The following SGSM3 variants were observed in gnomAD, a reference collection of about 807,000 sequenced individuals.
The protein encoded by SGSM3 is RUN and SH3 containing 3.
In SGSM3, 96 loss-of-function variants were observed where a neutral mutation model predicts 100.5. The observed-to-expected ratio is 0.96, with a 90% confidence interval of 0.81 to 1.13. The LOEUF (loss-of-function observed/expected upper bound fraction) is 1.13, where lower values mean the gene tolerates loss of function less well. SGSM3 is among the 50% of genes most tolerant of loss of function. The probability of loss-of-function intolerance (pLI) is 0.00; values close to 1 mark genes in which losing one functional copy is unlikely to be tolerated. For missense variants in SGSM3, 1,001 were observed against 1,015.8 expected, an observed-to-expected ratio of 0.99 and a Z score of 0.20; for synonymous variants, 483 against 422.8, an observed-to-expected ratio of 1.14 and a Z score of -1.75.
At position 40,407,184 on chromosome 22, in the gene SGSM3, T is replaced by A; in HGVS notation, c.1241-17T>A. The A allele has an allele frequency of 6.2e-7, 1 of 1,613,342 alleles. No homozygotes were observed. The highest frequency in any genetic ancestry group is 8.5e-7 in the Non-Finnish European group (1 of 1,179,820). On this transcript the variant is annotated splice_polypyrimidine_tract_variant and intron_variant, in intron 11 of 21. Coordinates refer to ENST00000248929, the MANE Select transcript of SGSM3 (RefSeq NM_015705.6). The surrounding 1 kb of genome is among the most constrained non-coding windows in gnomAD (Gnocchi z 4.7). ...CTGGAGTGGGCTGTGGTCACCATGG[T>A]TCTCTGGGCCTCCTAGGGGAGGATG...
At chr22:40,379,903 G>A (rs561840138) in intron 1 of SGSM3, among the ~76,000 whole-genome samples, 1 of 152,130 alleles carries the variant, frequency 6.6e-6, no homozygotes, top group African/African-American at 2.4e-5. Flanking sequence ...TAGAGATTGG[G>A]TTTCGTCATG....
At chr22:40,388,634 A>T (rs146443371) in intron 1 of SGSM3, among the ~76,000 whole-genome samples, 1 of 151,902 alleles carries the variant, frequency 6.6e-6, no homozygotes, top group Non-Finnish European at 1.5e-5. Flanking sequence ...CAGGGTAGAG[A>T]GTGGTTGGAG....
rs1217181592 is a variant in SGSM3, at chr22:40,407,746, A to T, written c.1525-43A>T. On this transcript the variant is annotated intron_variant, in intron 13 of 21. Transcript: ENST00000248929. This position sits in a 1 kb window ranked among gnomAD's most constrained non-coding sequence, Gnocchi z 4.7. The stretch of plus-strand genomic sequence containing the variant: ...TCGGGGGTGCAGGAGGCGCTGGCCC[A>T]GGGCACCCAGCTTTGGTTCCTGCTG... 1 of 1,609,354 alleles carries T rather than the reference A, an allele frequency of 6.2e-7. No individual in the cohort carries two copies. Among genetic ancestry groups the T allele is most frequent in the Non-Finnish European group, 8.5e-7 (1 of 1,175,830 alleles).
intron 1 of SGSM3, among the ~76,000 whole-genome samples, chr22:40,379,666 T>A (rs1325695640): frequency 3.3e-5 from 5 of 152,138 alleles, no homozygotes; most frequent in African/African-American, 9.7e-5. Flanking sequence ...CATATCAACC[T>A]GTAGTTATCT....
In SGSM3 at chr22:40,402,154, G is replaced by C. The variant is rs569620429; in HGVS notation, c.106G>C (p.Glu36Gln). 1.9e-6 allele frequency: 3 copies of C among 1,614,016 alleles called. No homozygotes were observed. In the South Asian group the frequency reaches 3.3e-5, roughly 18 times the overall value. ...AKYTQKEESA[E>Q]QPEFYYDEFG... ...CTGATTCTAGAAGGAAGAGTCAGCA[G>C]AGCAACCAGAGTTCTACTACGATGA... is the stretch of plus-strand genomic sequence containing the variant. Residue 36 changes from glutamate to glutamine, a missense_variant, in exon 4 of 22, where the codon GAG becomes CAG. Transcript: ENST00000248929.
chr22:40,405,756 G>C lies in SGSM3; in HGVS notation c.726G>C (p.Leu242=). ...CCTCCTACTTCAGCACCACCCTGCT[G>C]GGTGTCCAGACTGACCAGCGGGTCC... is the stretch of plus-strand genomic sequence containing the variant. ...LPASYFSTTL[L]GVQTDQRVLR... is the part of the protein sequence containing the mutation. Residue 242 remains leucine (L), a synonymous_variant, in exon 8 of 22, where the codon CTG becomes CTC. Transcript: ENST00000248929. 6.2e-7 allele frequency: 1 copy of C among 1,613,788 alleles called. No homozygotes were observed. The highest frequency in any genetic ancestry group is 1.3e-5 in the African/African-American group (1 of 75,032).
chr22:40,390,684 A>G (rs1393530672), intron 1 of SGSM3, among the ~76,000 whole-genome samples: 1 of 152,190 alleles, frequency 6.6e-6, no homozygotes, highest in Non-Finnish European at 1.5e-5. Flanking sequence ...TAAGATATGT[A>G]TAGATGGGTT....
intron 1 of SGSM3, among the ~76,000 whole-genome samples, chr22:40,377,812 C>T (rs181972158): frequency 1.1e-4 from 17 of 148,028 alleles, no homozygotes; most frequent in Admixed American, 4.8e-4. Flanking sequence ...TGCCACTGTA[C>T]GCCAGCCTGG....
Position 40,400,690 on chromosome 22 carries a change from T to A in SGSM3, c.-111-6T>A, listed in dbSNP as rs2050636359. ...AGAATGACTTTCCTCTTTTCTCTTCTAACAGGGCAGATGATTCTGGACCAG... is the reference window on the plus strand; with the variant it reads ...AGAATGACTTTCCTCTTTTCTCTTCAAACAGGGCAGATGATTCTGGACCAG... On this transcript the variant is annotated splice_polypyrimidine_tract_variant and splice_region_variant and intron_variant, in intron 1 of 21. Transcript: ENST00000248929. The A allele has an allele frequency of 1.0e-6, 1 of 998,380 alleles. No individual in the cohort carries two copies. The highest frequency in any genetic ancestry group is 1.5e-6 in the Non-Finnish European group (1 of 659,138). 61.8% of individuals were successfully genotyped at this position (998,380 alleles called of 1,614,324 possible). A position where few individuals can be genotyped will look rare whatever the true frequency, so the allele number is the denominator to read the frequency against.
At chr22:40,409,228 C>A in intron 19 of SGSM3, 22 bp from the exon 20 acceptor site, 1 of 1,585,542 alleles carries the variant, frequency 6.3e-7, no homozygotes, top group African/African-American at 1.3e-5. Flanking sequence ...CCCCTGCTCC[C>A]CACTCCTGGC....
intron 4 of SGSM3, among the ~76,000 whole-genome samples, chr22:40,402,981 T>C (rs1421225553): frequency 1.3e-5 from 2 of 152,222 alleles, no homozygotes; most frequent in East Asian, 3.8e-4. Flanking sequence ...TTTCCAATTC[T>C]GACAAAAGTT....
chr22:40,375,374 G>A (rs2046377058), intron 1 of SGSM3, among the ~76,000 whole-genome samples: 2 of 152,194 alleles, frequency 1.3e-5, no homozygotes. Context: ...AAGGTCAGGA[G>A]TTTGAGACTA....
At position 40,398,365 on chromosome 22, in the gene SGSM3, A is replaced by G. The variant is rs2050317817; in HGVS notation, c.-111-2331A>G. ...TGGCTCTTAGGGGTGCTCAGTCCCC[A>G]TTTGCTGATGAATGAATGAGTGGGA... On this transcript the variant is annotated intron_variant, in intron 1 of 21. Transcript: ENST00000248929. Among the ~76,000 whole-genome samples the G allele has an allele frequency of 1.4e-5, 2 of 140,994 alleles. 1 individual carries two copies. Among genetic ancestry groups the G allele is most frequent in the Non-Finnish European group, 3.1e-5 (2 of 65,064 alleles). The allele number at this position is 140,994 out of a possible 152,430, so 92.5% of individuals were successfully genotyped here.
rs1025587630 is a variant in SGSM3 at position 40,407,672 on chromosome 22, TTGTGAAGA to T, written c.1524+108_1525-106del. ...CCCCTTTCCCTGCCAAGAGCTTCTCTTGTGAAGATGTAGGGGTCTTGGCCTGGCCTAGT... is the reference window on the plus strand; with the variant it reads ...CCCCTTTCCCTGCCAAGAGCTTCTCTTGTAGGGGTCTTGGCCTGGCCTAGT... On this transcript the variant is annotated intron_variant, in intron 13 of 21. Transcript: ENST00000248929. The surrounding 1 kb of genome is among the most constrained non-coding windows in gnomAD (Gnocchi z 4.7). 1.9e-6 allele frequency: 3 copies of T among 1,581,328 alleles called. No homozygotes were observed. Among genetic ancestry groups the T allele is most frequent in the Non-Finnish European group, 2.6e-6 (3 of 1,155,830 alleles).
intron 1 of SGSM3, among the ~76,000 whole-genome samples, chr22:40,392,083 T>C (rs1361280434): frequency 6.6e-6 from 1 of 152,244 alleles, no homozygotes; most frequent in African/African-American, 2.4e-5. Context: ...GGAAAAGTAT[T>C]TTATTAATAC....
intron 2 of SGSM3, 71 bp from the exon 3 acceptor site, chr22:40,401,522 A>T (rs772185322): frequency 2.5e-5 from 30 of 1,222,386 alleles, no homozygotes; most frequent in Admixed American, 1.0e-4. Context: ...CTGAGATTAC[A>T]GGCGTGAGCC....
chr22:40,409,056 T>TG (rs968696277), intron 19 of SGSM3, 38 bp downstream of exon 19: 6 of 1,552,702 alleles, frequency 3.9e-6, no homozygotes, highest in African/African-American at 1.4e-5. Context: ...AGCCCTGGAG[T>TG]GGGGGGACCC....
In SGSM3 at chr22:40,404,380, T is replaced by A; in HGVS notation, c.291T>A (p.Ile97=). Residue 97 remains isoleucine, a synonymous_variant, in exon 5 of 22, where the codon ATT becomes ATA. Coordinates refer to ENST00000248929, the MANE Select transcript of SGSM3 (RefSeq NM_015705.6). ...TGGGGGATCTCACCTGGGACAAGATTGCCGTCTCCCTACCCCGCTCTGAGA... is the reference window on the plus strand; with the variant it reads ...TGGGGGATCTCACCTGGGACAAGATAGCCGTCTCCCTACCCCGCTCTGAGA... ...HDVGDLTWDK[I]AVSLPRSEKL... The A allele has an allele frequency of 6.2e-7, 1 of 1,608,428 alleles. No individual in the cohort carries two copies. The highest frequency in any genetic ancestry group is 8.5e-7 in the Non-Finnish European group (1 of 1,177,024).
At position 40,408,430 on chromosome 22, in the gene SGSM3, G is replaced by T; in HGVS notation, c.1782+1G>T. ...CCACCCCTGGCTGTTTATCGAGGAG[G>T]TAAGTCAGTGGCTGGGCCCATGACC... On this transcript the variant is annotated splice_donor_variant, in intron 16 of 21. Transcript: ENST00000248929. LOFTEE classifies it high-confidence loss of function. The T allele has an allele frequency of 2.5e-6, 4 of 1,613,424 alleles. No homozygotes were observed. The highest frequency in any genetic ancestry group is 3.4e-6 in the Non-Finnish European group (4 of 1,179,938).
Sources: allele counts gnomAD v4.1 joint callset (sites outside exome capture counted in the v4.1 genomes callset), GRCh38; gene constraint gnomAD v4.1.1; non-coding constraint Gnocchi (gnomAD v3.1); transcripts MANE v1.5; gene names NCBI Gene and HGNC (gene_info 2026-07-23, HGNC 2026-07-21).